Variants in ALK observed in about 807,000 individuals in gnomAD.
ALK encodes the protein ALK tyrosine kinase receptor.
Under a neutral mutation model 163.1 loss-of-function variants are expected in ALK, and 74 were observed. The ratio of observed to expected loss-of-function variants is 0.45; its 90% CI spans 0.38 to 0.55. The LOEUF is 0.55. Among genes scored for constraint, ALK ranks in the 20% least tolerant of loss-of-function variants. The pLI is 0.00. For synonymous variants in ALK, 960 were observed against 843.2 expected, an observed-to-expected ratio of 1.14 and a Z score of -2.40; for missense variants, 2,063 against 2,105.3, an observed-to-expected ratio of 0.98 and a Z score of 0.39.
At chr2:29,252,764 G>A (rs907058005) in intron 11 of ALK, among the ~76,000 whole-genome samples, 24 of 151,834 alleles carry the variant, frequency 1.6e-4, no homozygotes, top group African/African-American at 5.8e-4. Flanking sequence ...GTCATTTCAG[G>A]GGCTAGAAGG....
rs1314726831 is a variant in ALK at position 29,455,402 on chromosome 2, C to G, written c.1155-71543G>C. On this transcript the variant is annotated intron_variant, in intron 4 of 28. Coordinates refer to ENST00000389048, the MANE Select transcript of ALK (RefSeq NM_004304.5). ...AGCAAGGTGGGGCCTGTGGTCTGAT[C>G]AGCTTGGAGACTTCTGCTGTCCTGT... Among the ~76,000 whole-genome samples, 5 of 152,282 alleles carry G rather than the reference C, an allele frequency of 3.3e-5. No homozygotes were observed. In the East Asian group the frequency reaches 9.7e-4, roughly 29 times the overall value.
intron 5 of ALK, among the ~76,000 whole-genome samples, chr2:29,365,860 C>A (rs1668491797): frequency 6.6e-6 from 1 of 152,142 alleles, no homozygotes; most frequent in South Asian, 2.1e-4. Flanking sequence ...CAACTAGAGT[C>A]TGGGGATGTG....
chr2:29,441,695 A>G (rs1360459247), intron 4 of ALK, among the ~76,000 whole-genome samples: 1 of 152,216 alleles, frequency 6.6e-6, no homozygotes, highest in African/African-American at 2.4e-5. Flanking sequence ...CCTGCTTCCA[A>G]GAAGTGCTTT....
chr2:29,829,312 T>TA (rs61451401), intron 1 of ALK, among the ~76,000 whole-genome samples: 66,828 of 144,778 alleles, frequency 0.46, 15,448 homozygotes, highest in East Asian at 0.75. Flanking sequence ...TAAAGTATAA[T>TA]AAAAAAAAAA....
chr2:29,270,806 GTCTA>G (rs754512879), intron 11 of ALK, among the ~76,000 whole-genome samples: 7 of 152,118 alleles, frequency 4.6e-5, no homozygotes, highest in Non-Finnish European at 8.8e-5. Context: ...TAACACAAGA[GTCTA>G]TCTGAGTTCC....
At chr2:29,518,879 G>A (rs923522923) in intron 4 of ALK, among the ~76,000 whole-genome samples, 11 of 152,190 alleles carry the variant, frequency 7.2e-5, no homozygotes, top group Admixed American at 5.2e-4. Context: ...CATGTGTTGG[G>A]TGCTGATATG....
chr2:29,329,872 C>T (rs1482412047), intron 5 of ALK, among the ~76,000 whole-genome samples: 1 of 152,192 alleles, frequency 6.6e-6, no homozygotes, highest in Non-Finnish European at 1.5e-5. Context: ...TGTCCATTTC[C>T]TAAGTGGGAA....
At chr2:29,354,823 G>C (rs1668205961) in intron 5 of ALK, among the ~76,000 whole-genome samples, 1 of 149,242 alleles carries the variant, frequency 6.7e-6, no homozygotes, top group South Asian at 2.1e-4. Context: ...CTGGAGTGCA[G>C]TGGCACGACC....
At chr2:29,830,269 G>A (rs1665329742) in intron 1 of ALK, among the ~76,000 whole-genome samples, 1 of 152,158 alleles carries the variant, frequency 6.6e-6, no homozygotes, top group Admixed American at 6.5e-5. Context: ...AATCATTGCA[G>A]GGGAAAAATT....
chr2:29,548,889 A>C (rs927840576), intron 3 of ALK, among the ~76,000 whole-genome samples: 1 of 152,282 alleles, frequency 6.6e-6, no homozygotes, highest in South Asian at 2.1e-4. Flanking sequence ...ACTCTTTGCA[A>C]CATAAAACAA....
chr2:29,578,860 G>T (rs1674597404), intron 3 of ALK, among the ~76,000 whole-genome samples: 1 of 152,210 alleles, frequency 6.6e-6, no homozygotes, highest in South Asian at 2.1e-4. Flanking sequence ...ATCTACCCTG[G>T]AGTCCAGCTC....
chr2:29,235,517 C>T (rs975596107), intron 13 of ALK, among the ~76,000 whole-genome samples: 1 of 152,020 alleles, frequency 6.6e-6, no homozygotes, highest in African/African-American at 2.4e-5. Flanking sequence ...GCTGGCATTT[C>T]CCATATGTAT....
At chr2:29,335,866 C>A (rs1407559136) in intron 5 of ALK, among the ~76,000 whole-genome samples, 3 of 151,942 alleles carry the variant, frequency 2.0e-5, no homozygotes, top group African/African-American at 7.3e-5. Context: ...ATAGTGAAAC[C>A]CCATCTCTAC....
intron 3 of ALK, among the ~76,000 whole-genome samples, chr2:29,656,092 T>C (rs1447251935): frequency 6.6e-6 from 1 of 152,172 alleles, no homozygotes; most frequent in African/African-American, 2.4e-5. Flanking sequence ...GAAATTTTTT[T>C]TCCTTGATTG....
intron 4 of ALK, among the ~76,000 whole-genome samples, chr2:29,437,339 TA>T (rs927255893): frequency 3.9e-5 from 6 of 152,080 alleles, no homozygotes; most frequent in Non-Finnish European, 7.4e-5. Context: ...ATGTGAGAAA[TA>T]AAAGAGCAGC....
chr2:29,274,026 G>A (rs1665464009), intron 11 of ALK, among the ~76,000 whole-genome samples: 1 of 152,170 alleles, frequency 6.6e-6, no homozygotes, highest in Admixed American at 6.5e-5. Context: ...AAAGGGGAAG[G>A]GAGGGATGAT....
chr2:29,570,154 G>C (rs191587289), intron 3 of ALK, among the ~76,000 whole-genome samples: 111 of 152,298 alleles, frequency 7.3e-4, no homozygotes, highest in Non-Finnish European at 1.4e-3. Context: ...AGACTCTCTA[G>C]GGCATGCTAA....
intron 26 of ALK, among the ~76,000 whole-genome samples, chr2:29,203,294 A>G (rs1447499535): frequency 1.3e-5 from 2 of 149,036 alleles, no homozygotes; most frequent in African/African-American, 5.2e-5. Flanking sequence ...ACATGATCTC[A>G]GCTCCAGGCT....
Position 29,193,906 on chromosome 2 carries a change from T to C in ALK, c.4181A>G (p.Asn1394Ser), listed in dbSNP as rs1668957374. Residue 1394 changes from asparagine to serine, a missense_variant, in exon 29 of 29, where the codon AAC becomes AGC. Coordinates refer to ENST00000389048, the MANE Select transcript of ALK (RefSeq NM_004304.5). The part of the protein sequence containing the change: ...EYCTQDPDVI[N>S]TALPIEYGPL... ...ACCATATTCTATCGGCAAAGCGGTG[T>C]TGATTACATCCGGGTCCTGCCGTAG... 1 of 1,614,194 alleles carries C rather than the reference T, an allele frequency of 6.2e-7. No homozygotes were observed. Among genetic ancestry groups the C allele is most frequent in the Non-Finnish European group, 8.5e-7 (1 of 1,180,030 alleles).
Sources: gnomAD v4.1 joint callset for allele counts (sites outside exome capture counted in the v4.1 genomes callset) on GRCh38, gnomAD v4.1.1 for gene constraint, MANE v1.5 for transcripts, NCBI Gene and HGNC (gene_info 2026-07-23, HGNC 2026-07-21) for gene names.